The following KIRREL1 variants were observed in gnomAD, a reference collection of about 807,000 sequenced individuals.
The protein encoded by KIRREL1 is kin of IRRE-like protein 1.
A neutral mutation model predicts 83.3 loss-of-function variants in KIRREL1; 25 were observed. The observed-to-expected ratio is 0.30, with a 90% CI of 0.22 to 0.42. The LOEUF (loss-of-function observed/expected upper bound fraction) is 0.42. Ranked by LOEUF, KIRREL1 falls within the 10% of genes least tolerant of loss-of-function variation. KIRREL1 has a pLI of 1.00. For synonymous variants in KIRREL1, 388 were observed against 410.4 expected, an observed-to-expected ratio of 0.95 and a Z score of 0.66; for missense variants, 812 against 1,032.3, an observed-to-expected ratio of 0.79 and a Z score of 2.92.
At chr1:158,031,271 G>A in intron 1 of KIRREL1, 1 of 152,180 alleles carries the variant, frequency 6.6e-6, no homozygotes, top group East Asian at 1.9e-4. Flanking sequence ...AACTAGGAAG[G>A]CTGCCTTTGC....
At chr1:158,053,096 A>C (rs534431504) in intron 1 of KIRREL1, among the ~76,000 whole-genome samples, 2 of 152,194 alleles carry the variant, frequency 1.3e-5, no homozygotes, top group African/African-American at 4.8e-5. Flanking sequence ...AATGGGGATC[A>C]CATTTCCACA....
At chr1:158,019,746 G>A (rs999068120) in intron 1 of KIRREL1, among the ~76,000 whole-genome samples, 1 of 152,170 alleles carries the variant, frequency 6.6e-6, no homozygotes. Context: ...GCAAGAGAAA[G>A]AGGCAGGAGA....
chr1:158,065,814 G>A (rs985960993), intron 1 of KIRREL1, among the ~76,000 whole-genome samples: 1 of 68,948 alleles, frequency 1.5e-5, no homozygotes, highest in Non-Finnish European at 3.2e-5. Flanking sequence ...ATTTCTGCCT[G>A]TGAGACCCCA....
intron 3 of KIRREL1, 137 bp downstream of exon 3, chr1:158,078,277 C>A: frequency 1.0e-6 from 1 of 997,748 alleles, no homozygotes; most frequent in South Asian, 1.6e-5. Context: ...CCCTAATGCT[C>A]AAGTCCAGGT....
chr1:158,039,496 G>A (rs1333477038), intron 1 of KIRREL1, among the ~76,000 whole-genome samples: 5 of 152,188 alleles, frequency 3.3e-5, no homozygotes, highest in African/African-American at 1.2e-4. Context: ...AGCAAAGGCT[G>A]AGCGGGATGT....
rs189031150 is a variant in KIRREL1, at chr1:158,068,472, A to G, written c.53-7641A>G. ...CTGGGCTGTGTATAAGGCAAAATCA[A>G]CAGACCCAGACCCCTCATCCGCAGT... On this transcript the variant is annotated intron_variant, in intron 1 of 14. Coordinates refer to ENST00000359209, the MANE Select transcript of KIRREL1 (RefSeq NM_018240.7). Among the ~76,000 whole-genome samples the G allele has an allele frequency of 3.9e-5, 6 of 152,316 alleles. No homozygotes were observed. In the East Asian group the frequency reaches 1.2e-3, roughly 29 times the overall value.
chr1:158,004,068 C>T (rs1298671266), intron 1 of KIRREL1, among the ~76,000 whole-genome samples: 1 of 152,216 alleles, frequency 6.6e-6, no homozygotes, highest in Non-Finnish European at 1.5e-5. Flanking sequence ...GAGTCAGCCT[C>T]TTTCTCAGAG....
Position 158,096,651 on chromosome 1 carries a change from T to C in KIRREL1, c.*1531T>C, listed in dbSNP as rs2101652425. The C allele has an allele frequency of 6.6e-6, 3 of 456,722 alleles. No individual in the cohort carries two copies. Among genetic ancestry groups the C allele is most frequent in the Non-Finnish European group, 8.8e-6 (2 of 226,974 alleles). 28.3% of individuals were successfully genotyped at this position (456,722 alleles called of 1,614,324 possible). A position where few individuals can be genotyped will look rare whatever the true frequency, so the allele number is the denominator to read the frequency against. On this transcript the variant is annotated 3_prime_UTR_variant, in exon 15 of 15. Coordinates refer to ENST00000359209, the MANE Select transcript of KIRREL1 (RefSeq NM_018240.7). The stretch of plus-strand genomic sequence containing the variant: ...TACACAGGCCATTTCTCCTCCTCCA[T>C]GTGCACGCACATCCAACACACACCT...
At chr1:158,031,119 C>T (rs774483467) in intron 1 of KIRREL1, 3 of 152,126 alleles carry the variant, frequency 2.0e-5, no homozygotes, top group African/African-American at 2.4e-5. Flanking sequence ...TAGACATCAT[C>T]GGAACAGGGA....
chr1:158,027,337 ACCTC>A (rs1660202509), intron 1 of KIRREL1, among the ~76,000 whole-genome samples: 1 of 152,124 alleles, frequency 6.6e-6, no homozygotes, highest in South Asian at 2.1e-4. Context: ...CCCTCCAGGA[ACCTC>A]CCTGTGTTCA....
chr1:158,069,308 G>A (rs962628977), intron 1 of KIRREL1, among the ~76,000 whole-genome samples: 26 of 49,430 alleles, frequency 5.3e-4, no homozygotes, highest in African/African-American at 1.2e-3. Context: ...GTACTTGTGT[G>A]TGTGTGTGTG....
intron 1 of KIRREL1, among the ~76,000 whole-genome samples, chr1:158,003,082 A>T (rs1441783038): frequency 6.6e-6 from 1 of 151,780 alleles, no homozygotes; most frequent in Non-Finnish European, 1.5e-5. Flanking sequence ...AGTTTTTTTT[A>T]TTATTATTAT....
intron 1 of KIRREL1, among the ~76,000 whole-genome samples, chr1:158,023,283 G>A (rs1660056401): frequency 6.6e-6 from 1 of 152,072 alleles, no homozygotes; most frequent in Non-Finnish European, 1.5e-5. Context: ...TCTTATTGAT[G>A]GTGAGGGCTC....
intron 1 of KIRREL1, among the ~76,000 whole-genome samples, chr1:158,016,239 G>T (rs1173552835): frequency 6.6e-6 from 1 of 151,920 alleles, no homozygotes; most frequent in Non-Finnish European, 1.5e-5. Flanking sequence ...TGTAGGCAGA[G>T]CTTGCAGTGA....
intron 10 of KIRREL1, 122 bp downstream of exon 10, chr1:158,089,940 C>T (rs1010826810): frequency 3.7e-5 from 29 of 781,988 alleles, no homozygotes; most frequent in Admixed American, 1.0e-4. Context: ...ATCCTCGAAT[C>T]TTCTGCTTTC....
rs372126342 is a variant in KIRREL1 at position 158,089,835 on chromosome 1, C to T, written c.1272+17C>T. Reference sequence around the variant, plus strand: ...GACCGCATAGTGAGTGGCGGACCTGCCTGCGGACAGCCAGCCCTCCCTGCT... The same window carrying T: ...GACCGCATAGTGAGTGGCGGACCTGTCTGCGGACAGCCAGCCCTCCCTGCT... On this transcript the variant is annotated intron_variant, in intron 10 of 14. Transcript: ENST00000359209. 2.9e-4 allele frequency: 472 copies of T among 1,605,692 alleles called. 2 individuals carry two copies. The highest frequency in any genetic ancestry group is 1.7e-4 in the Middle Eastern group (1 of 5,986).
Position 157,993,664 on chromosome 1 carries a change from G to T in KIRREL1, c.-13G>T. 6.8e-7 allele frequency: 1 copy of T among 1,475,580 alleles called. No individual in the cohort carries two copies. The allele number at this position is 1,475,580 out of a possible 1,614,324, so 91.4% of individuals were successfully genotyped here. ...GGCCCCAGCCGCGGGCGGGCGCACGGCGGGCGGACAGCATGCTGAGCCTCC... is the reference window on the plus strand; with the variant it reads ...GGCCCCAGCCGCGGGCGGGCGCACGTCGGGCGGACAGCATGCTGAGCCTCC... On this transcript the variant is annotated 5_prime_UTR_variant, in exon 1 of 15. Coordinates refer to ENST00000359209, the MANE Select transcript of KIRREL1 (RefSeq NM_018240.7).
rs1360080226 is a variant in KIRREL1 at position 158,100,205 on chromosome 1, T to C, written c.*5085T>C. 1 of 148,946 alleles carries C rather than the reference T, an allele frequency of 6.7e-6. No individual in the cohort carries two copies. Among genetic ancestry groups the C allele is most frequent in the Non-Finnish European group, 1.5e-5 (1 of 67,332 alleles). The allele number at this position is 148,946 out of a possible 1,614,324, so 9.2% of individuals were successfully genotyped here. A position where few individuals can be genotyped will look rare whatever the true frequency, so the allele number is the denominator to read the frequency against. ...ACTATATTTTTAGTCTCAAACACAC[T>C]ATATATTATATATATTTAATTTTTT... On this transcript the variant is annotated 3_prime_UTR_variant, in exon 15 of 15. Coordinates refer to ENST00000359209, the MANE Select transcript of KIRREL1 (RefSeq NM_018240.7).
At chr1:158,039,157 C>T (rs1660557720) in intron 1 of KIRREL1, among the ~76,000 whole-genome samples, 1 of 152,178 alleles carries the variant, frequency 6.6e-6, no homozygotes, top group Non-Finnish European at 1.5e-5. Flanking sequence ...CCACCCCTTC[C>T]CAGGCCCAGC....
Sources: allele counts gnomAD v4.1 joint callset (sites outside exome capture counted in the v4.1 genomes callset), GRCh38; gene constraint gnomAD v4.1.1; transcripts MANE v1.5; gene names NCBI Gene and HGNC (gene_info 2026-07-23, HGNC 2026-07-21).